CPLX1: variants seen among roughly 807,000 people sequenced by gnomAD.
The protein encoded by CPLX1 is complexin 1.
Under a neutral mutation model 15.6 loss-of-function variants are expected in CPLX1, and 6 were observed. The ratio of observed to expected loss-of-function variants is 0.39; its 90% CI spans 0.21 to 0.76. The LOEUF (loss-of-function observed/expected upper bound fraction) is 0.76, where lower values mean the gene tolerates loss of function less well. Among genes scored for constraint, CPLX1 ranks in the 30% least tolerant of loss-of-function variants. CPLX1 has a pLI of 0.43. For synonymous variants in CPLX1, 91 were observed against 75.2 expected, an observed-to-expected ratio of 1.21 and a Z score of -1.08; for missense variants, 242 against 188.6, an observed-to-expected ratio of 1.28 and a Z score of -1.66.
intron 2 of CPLX1, among the ~76,000 whole-genome samples, chr4:803,651 C>T (rs1746501965): frequency 6.6e-6 from 1 of 152,022 alleles, no homozygotes; most frequent in South Asian, 2.1e-4. Flanking sequence ...TCTCAAAGCG[C>T]TGGGATTACA....
At chr4:813,559 A>T (rs114739227) in intron 2 of CPLX1, among the ~76,000 whole-genome samples, 1 of 152,154 alleles carries the variant, frequency 6.6e-6, no homozygotes, top group Non-Finnish European at 1.5e-5. Context: ...ATATCAAGAA[A>T]TCATTTCCTT....
chr4:810,575 G>C (rs1746649281), intron 2 of CPLX1, among the ~76,000 whole-genome samples: 1 of 152,208 alleles, frequency 6.6e-6, no homozygotes, highest in Non-Finnish European at 1.5e-5. Context: ...TCTCGCTGTG[G>C]TGTGTCCCCG....
At chr4:804,864 G>A (rs577208460) in intron 2 of CPLX1, 20 of 985,492 alleles carry the variant, frequency 2.0e-5, no homozygotes, top group Admixed American at 6.1e-5. Flanking sequence ...CCACGGGAAA[G>A]GTGGGCGGCG....
At position 824,608 on chromosome 4, in the gene CPLX1, G is replaced by T; in HGVS notation, c.-79-7C>A. 1.4e-6 allele frequency: 2 copies of T among 1,458,796 alleles called. No homozygotes were observed. Among genetic ancestry groups the T allele is most frequent in the Middle Eastern group, 1.7e-4 (1 of 5,774 alleles). 90.4% of individuals were successfully genotyped at this position (1,458,796 alleles called of 1,614,324 possible). A position where few individuals can be genotyped will look rare whatever the true frequency, so the allele number is the denominator to read the frequency against. ...CCGGGAGCGAGTGTTCTTCCTGGGG[G>T]AGAGTGAAGTGGTCACAGGTCACCC... is the stretch of plus-strand genomic sequence containing the variant. On this transcript the variant is annotated splice_polypyrimidine_tract_variant and splice_region_variant and intron_variant, in intron 1 of 3. Coordinates refer to ENST00000304062, the MANE Select transcript of CPLX1 (RefSeq NM_006651.4).
chr4:793,192 C>A, intron 2 of CPLX1, among the ~76,000 whole-genome samples: 1 of 152,168 alleles, frequency 6.6e-6, no homozygotes, highest in Non-Finnish European at 1.5e-5. Flanking sequence ...GTTCAGCCAT[C>A]TATGCAGGCA....
intron 2 of CPLX1, chr4:805,003 A>C (rs1465748069): frequency 1.1e-6 from 1 of 916,468 alleles, no homozygotes; most frequent in Non-Finnish European, 1.3e-6. Flanking sequence ...TCTGTGGAGA[A>C]ACGTGCCCAC....
At chr4:822,558 C>T (rs149178629) in intron 2 of CPLX1, among the ~76,000 whole-genome samples, 107 of 152,282 alleles carry the variant, frequency 7.0e-4, no homozygotes, top group African/African-American at 2.5e-3. Flanking sequence ...TCCCCCTCCC[C>T]GACCCTGTTT....
chr4:788,273 T>C (rs3775138), intron 3 of CPLX1: 267,273 of 985,102 alleles, frequency 0.27, 38,281 homozygotes, highest in African/African-American at 0.52. Context: ...GCCTGTGTGC[T>C]CCCCAACCCC....
intron 3 of CPLX1, chr4:786,966 G>A (rs941346093): frequency 3.0e-6 from 3 of 985,202 alleles, no homozygotes; most frequent in African/African-American, 1.7e-5. Flanking sequence ...AGAGGAGAGA[G>A]GGCTGTGGCC....
intron 3 of CPLX1, chr4:787,343 G>C: frequency 1.0e-6 from 1 of 985,400 alleles, no homozygotes; most frequent in African/African-American, 1.7e-5. Flanking sequence ...CTGCCCACCC[G>C]CGTTTCTCAT....
intron 2 of CPLX1, among the ~76,000 whole-genome samples, chr4:797,844 GGT>G (rs1468639530): frequency 3.3e-5 from 5 of 151,956 alleles, no homozygotes; most frequent in Non-Finnish European, 5.9e-5. Context: ...GAGGCAGAAT[GGT>G]GTGAACCCGG....
intron 2 of CPLX1, among the ~76,000 whole-genome samples, chr4:794,816 GC>G (rs1310310502): frequency 6.6e-6 from 1 of 152,206 alleles, no homozygotes; most frequent in Non-Finnish European, 1.5e-5. Flanking sequence ...GAGCTGCAGG[GC>G]TTCTGCAGCT....
At chr4:798,063 T>G (rs1185659943) in intron 2 of CPLX1, among the ~76,000 whole-genome samples, 1 of 152,036 alleles carries the variant, frequency 6.6e-6, no homozygotes. Flanking sequence ...TCACCTGAGC[T>G]CAGGAGTTCA....
chr4:787,822 G>C (rs1746047633), intron 3 of CPLX1: 1 of 985,300 alleles, frequency 1.0e-6, no homozygotes, highest in Admixed American at 6.1e-5. Context: ...CTGTGGTCAT[G>C]GTCAGGCCAC....
intron 2 of CPLX1, among the ~76,000 whole-genome samples, chr4:805,688 G>A (rs1746543952): frequency 1.3e-5 from 2 of 152,282 alleles, no homozygotes; most frequent in South Asian, 4.1e-4. Context: ...ATAACCAAGA[G>A]GGAGAAACAA....
intron 2 of CPLX1, among the ~76,000 whole-genome samples, chr4:819,781 A>C (rs910456468): frequency 2.6e-5 from 4 of 152,212 alleles, no homozygotes; most frequent in Admixed American, 6.5e-5. Context: ...ACCACTAAAC[A>C]GATGAAGGGG....
At chr4:817,136 G>T (rs1484010904) in intron 2 of CPLX1, among the ~76,000 whole-genome samples, 3 of 151,632 alleles carry the variant, frequency 2.0e-5, no homozygotes, top group Non-Finnish European at 4.4e-5. Flanking sequence ...ATGCATTAAG[G>T]CTCCAATTAG....
rs1474375214 is a variant in CPLX1 at position 785,565 on chromosome 4, GCC to G, written c.*934_*935del. 1 of 151,460 alleles carries G rather than the reference GCC, an allele frequency of 6.6e-6. No homozygotes were observed. Among genetic ancestry groups the G allele is most frequent in the Non-Finnish European group, 1.5e-5 (1 of 67,654 alleles). 9.4% of individuals were successfully genotyped at this position (151,460 alleles called of 1,614,324 possible). On this transcript the variant is annotated 3_prime_UTR_variant, in exon 4 of 4. Coordinates refer to ENST00000304062, the MANE Select transcript of CPLX1 (RefSeq NM_006651.4). The stretch of plus-strand genomic sequence containing the variant: ...GAGGAGAAACAGGGGCTCGGATGCC[GCC>G]CCGCAGGGCCACCAGGTGGATTAGG...
At chr4:801,548 C>T (rs193027533) in intron 2 of CPLX1, among the ~76,000 whole-genome samples, 44 of 152,260 alleles carry the variant, frequency 2.9e-4, no homozygotes, top group African/African-American at 8.4e-4. Context: ...TGCTTAGGTA[C>T]GCAAATACTC....
Sources: allele counts gnomAD v4.1 joint callset (sites outside exome capture counted in the v4.1 genomes callset), GRCh38; gene constraint gnomAD v4.1.1; transcripts MANE v1.5; gene names NCBI Gene and HGNC (gene_info 2026-07-23, HGNC 2026-07-21).